The following GMEB2 variants were observed in gnomAD, a reference collection of about 807,000 sequenced individuals.
GMEB2 encodes glucocorticoid modulatory element-binding protein 2.
A neutral mutation model predicts 45.7 loss-of-function variants in GMEB2; 7 were observed. The ratio of observed to expected loss-of-function variants is 0.15; its 90% CI spans 0.09 to 0.29. GMEB2 has a LOEUF of 0.29. Ranked by LOEUF, GMEB2 falls within the 10% of genes least tolerant of loss-of-function variation. GMEB2 has a pLI of 1.00. For synonymous variants in GMEB2, 322 were observed against 323.6 expected, an observed-to-expected ratio of 1.00 and a Z score of 0.05; for missense variants, 582 against 739.2, an observed-to-expected ratio of 0.79 and a Z score of 2.47.
In GMEB2 at chr20:63,619,509, A is replaced by T; in HGVS notation, c.-57-55T>A. On this transcript the variant is annotated intron_variant, in intron 1 of 9. Transcript: ENST00000370077. The surrounding 1 kb of genome is among the most constrained non-coding windows in gnomAD (Gnocchi z 4.6). Reference sequence around the variant, plus strand: ...GGAGTCATCTCCACATCCACACAACATAGCACTCACAAAGGCATCTCTAAT... The same window carrying T: ...GGAGTCATCTCCACATCCACACAACTTAGCACTCACAAAGGCATCTCTAAT... The T allele has an allele frequency of 2.8e-6, 3 of 1,060,996 alleles. No individual in the cohort carries two copies. Among genetic ancestry groups the T allele is most frequent in the African/African-American group, 1.6e-5 (1 of 62,912 alleles). The allele number at this position is 1,060,996 out of a possible 1,614,324, so 65.7% of individuals were successfully genotyped here.
At chr20:63,605,829 C>G (rs537574485) in intron 2 of GMEB2, among the ~76,000 whole-genome samples, 4 of 152,262 alleles carry the variant, frequency 2.6e-5, no homozygotes, top group Non-Finnish European at 5.9e-5. Context: ...GTGGTACACA[C>G]CTGTAATCCC....
chr20:63,610,605 C>T (rs752011194), intron 2 of GMEB2, among the ~76,000 whole-genome samples: 1 of 152,158 alleles, frequency 6.6e-6, no homozygotes. Flanking sequence ...TAATTCCCCA[C>T]AAAAAAGAAG....
At chr20:63,625,541 C>G (rs1261678653) in intron 1 of GMEB2, among the ~76,000 whole-genome samples, 1 of 152,010 alleles carries the variant, frequency 6.6e-6, no homozygotes, top group African/African-American at 2.4e-5. Flanking sequence ...GGGTTCCCCA[C>G]TAGTGTGAAG....
In GMEB2 at chr20:63,603,071, TCCC is replaced by T; in HGVS notation, c.248_250del (p.Gly83del). ...GTACACAATCTCAGCTTCCAGGTTC[TCCC>T]CCTCTTCAGCCATCTTCACTTCTCA... On this transcript the variant is annotated inframe_deletion, in exon 4 of 10. Transcript: ENST00000370077. 6.2e-7 allele frequency: 1 copy of T among 1,613,826 alleles called. No homozygotes were observed. The highest frequency in any genetic ancestry group is 1.7e-5 in the Admixed American group (1 of 59,994).
intron 1 of GMEB2, among the ~76,000 whole-genome samples, chr20:63,620,206 G>T (rs560498374): frequency 6.6e-6 from 1 of 152,142 alleles, no homozygotes; most frequent in Non-Finnish European, 1.5e-5. Context: ...GCCTGCCCCG[G>T]GTTTAAAAAT....
intron 4 of GMEB2, among the ~76,000 whole-genome samples, chr20:63,602,452 C>T (rs1027096832): frequency 2.0e-5 from 3 of 152,242 alleles, no homozygotes; most frequent in Non-Finnish European, 4.4e-5. Context: ...GCTCTCAGGG[C>T]AAAAGCTGGG....
chr20:63,611,641 C>T (rs1163658326), intron 2 of GMEB2, among the ~76,000 whole-genome samples: 2 of 151,770 alleles, frequency 1.3e-5, no homozygotes, highest in African/African-American at 4.8e-5. Flanking sequence ...ACACATCTGA[C>T]TAGTGTGATC....
intron 6 of GMEB2, among the ~76,000 whole-genome samples, chr20:63,595,165 T>C (rs1172853847): frequency 6.6e-6 from 1 of 152,050 alleles, no homozygotes; most frequent in Non-Finnish European, 1.5e-5. Flanking sequence ...AAAACCCAAG[T>C]GGCAGGAATA....
chr20:63,603,267 A>C (rs1274241768), intron 3 of GMEB2, among the ~76,000 whole-genome samples, 175 bp from the exon 4 acceptor site: 1 of 152,238 alleles, frequency 6.6e-6, no homozygotes, highest in African/African-American at 2.4e-5. Context: ...GTGCCATTAG[A>C]GTTTCAGGGT....
At chr20:63,610,250 G>A (rs1450889198) in intron 2 of GMEB2, among the ~76,000 whole-genome samples, 3 of 152,184 alleles carry the variant, frequency 2.0e-5, no homozygotes, top group South Asian at 2.1e-4. Context: ...AGCCGGGCAC[G>A]GTGGCTCACA....
intron 2 of GMEB2, among the ~76,000 whole-genome samples, chr20:63,609,313 T>C (rs375903101): frequency 1.2e-4 from 5 of 40,476 alleles, no homozygotes; most frequent in Admixed American, 2.6e-4. Flanking sequence ...TCCCTCTGAC[T>C]CACCTCCATT....
rs1364477158 is a variant in GMEB2, at chr20:63,619,285, G to T, written c.113C>A (p.Thr38Asn). The change falls in exon 2 of 10, where the codon ACC becomes AAC. Residue 38 changes from threonine (T) to asparagine (N), a missense_variant. By Grantham distance (65) the Thr-to-Asn change is moderately conservative. Transcript: ENST00000370077. The surrounding 1 kb of genome is among the most constrained non-coding windows in gnomAD (Gnocchi z 4.6). ...AGCTTACCCGTGAGGGGCCAAGTTG[G>T]TCGTCACCAACACGGTCTTCACCCC... ...VEGVKTVLVT[T>N]NLAPHGGDLT... 6.2e-7 allele frequency: 1 copy of T among 1,611,256 alleles called. No individual in the cohort carries two copies. Among genetic ancestry groups the T allele is most frequent in the Non-Finnish European group, 8.5e-7 (1 of 1,179,386 alleles).
chr20:63,617,503 C>T (rs375390999), intron 2 of GMEB2, among the ~76,000 whole-genome samples: 8 of 152,184 alleles, frequency 5.3e-5, no homozygotes, highest in South Asian at 2.1e-4. Context: ...CTAAGACACA[C>T]GCCATCTGGG....
At chr20:63,604,672 T>C (rs1860472475) in intron 3 of GMEB2, 71 bp downstream of exon 3, 1 of 863,308 alleles carries the variant, frequency 1.2e-6, no homozygotes, top group Non-Finnish European at 2.0e-6. Flanking sequence ...CTGTTCCTCA[T>C]TTTGAGTGCA....
chr20:63,623,503 A>T (rs1442722500), intron 1 of GMEB2, among the ~76,000 whole-genome samples: 1 of 152,228 alleles, frequency 6.6e-6, no homozygotes, highest in Non-Finnish European at 1.5e-5. Flanking sequence ...AAACATGAAT[A>T]AAAAGCCACT....
At chr20:63,604,481 G>A (rs2089503044) in intron 3 of GMEB2, among the ~76,000 whole-genome samples, 1 of 152,200 alleles carries the variant, frequency 6.6e-6, no homozygotes, top group African/African-American at 2.4e-5. Context: ...AAATCCAAAA[G>A]AGGAGAGAGC....
intron 2 of GMEB2, among the ~76,000 whole-genome samples, chr20:63,617,539 G>A (rs1288291398): frequency 6.6e-6 from 1 of 152,214 alleles, no homozygotes; most frequent in Admixed American, 6.5e-5. Flanking sequence ...AGGAAGAAAG[G>A]CCTAGAGCTC....
At chr20:63,622,269 C>T (rs920628083) in intron 1 of GMEB2, among the ~76,000 whole-genome samples, 2 of 152,212 alleles carry the variant, frequency 1.3e-5, no homozygotes, top group African/African-American at 4.8e-5. Flanking sequence ...AGGAGTGGGT[C>T]CACCCCAACC....
chr20:63,617,176 G>C (rs1317851920), intron 2 of GMEB2, among the ~76,000 whole-genome samples: 1 of 152,020 alleles, frequency 6.6e-6, no homozygotes, highest in Non-Finnish European at 1.5e-5. Flanking sequence ...ATGGGGTTTT[G>C]CCATGTCGCC....
Sources: allele counts gnomAD v4.1 joint callset (sites outside exome capture counted in the v4.1 genomes callset), GRCh38; gene constraint gnomAD v4.1.1; non-coding constraint Gnocchi (gnomAD v3.1); transcripts MANE v1.5; gene names NCBI Gene and HGNC (gene_info 2026-07-23, HGNC 2026-07-21).